Variants in DNER observed in about 807,000 individuals in gnomAD.
DNER encodes the protein delta/notch like EGF repeat containing, also known as delta and Notch-like epidermal growth factor-related receptor.
A neutral mutation model predicts 78.2 loss-of-function variants in DNER; 33 were observed. The ratio of observed to expected loss-of-function variants is 0.42; its 90% CI spans 0.32 to 0.56. DNER has a LOEUF of 0.56. Ranked by LOEUF, DNER falls within the 20% of genes least tolerant of loss-of-function variation. The probability of loss-of-function intolerance (pLI) is 0.11; values close to 1 mark genes in which losing one functional copy is unlikely to be tolerated. For missense variants in DNER, 918 were observed against 975.3 expected, an observed-to-expected ratio of 0.94 and a Z score of 0.78; for synonymous variants, 417 against 384.8, an observed-to-expected ratio of 1.08 and a Z score of -0.98.
intron 6 of DNER, 39 bp from the exon 7 acceptor site, chr2:229,477,292 T>C (rs774574999): frequency 2.7e-6 from 4 of 1,507,992 alleles, no homozygotes; most frequent in Non-Finnish European, 2.7e-6. Flanking sequence ...AAATAAGCTC[T>C]TCCAGACCCA....
intron 1 of DNER, among the ~76,000 whole-genome samples, chr2:229,659,490 AC>A (rs748632907): frequency 6.6e-6 from 1 of 152,072 alleles, no homozygotes; most frequent in Non-Finnish European, 1.5e-5. Context: ...TAGGACCTGG[AC>A]CCGGGCAGAC....
chr2:229,550,455 G>A (rs188152449), intron 4 of DNER, among the ~76,000 whole-genome samples: 1 of 152,222 alleles, frequency 6.6e-6, no homozygotes, highest in Non-Finnish European at 1.5e-5. Context: ...ACCTTCTCTA[G>A]ACGTTTCCTC....
intron 1 of DNER, among the ~76,000 whole-genome samples, chr2:229,674,353 A>G (rs1699265039): frequency 6.6e-6 from 1 of 152,106 alleles, no homozygotes; most frequent in Non-Finnish European, 1.5e-5. Flanking sequence ...ATCTCGGCTT[A>G]CTGCAACCTC....
At chr2:229,568,950 T>C (rs1697163413) in intron 4 of DNER, among the ~76,000 whole-genome samples, 1 of 152,224 alleles carries the variant, frequency 6.6e-6, no homozygotes, top group African/African-American at 2.4e-5. Context: ...TCTGTGCATC[T>C]CTGTATATGT....
chr2:229,651,711 G>A (rs1293545246), intron 1 of DNER, among the ~76,000 whole-genome samples: 1 of 152,182 alleles, frequency 6.6e-6, no homozygotes, highest in Non-Finnish European at 1.5e-5. Context: ...CCCAAACAAT[G>A]AATTTAGCCA....
intron 11 of DNER, among the ~76,000 whole-genome samples, chr2:229,381,251 T>C (rs1231947949): frequency 6.6e-6 from 1 of 152,188 alleles, no homozygotes; most frequent in African/African-American, 2.4e-5. Flanking sequence ...CTAGATACTA[T>C]ACTTTTCCCA....
At chr2:229,682,771 C>A (rs1289208320) in intron 1 of DNER, among the ~76,000 whole-genome samples, 5 of 152,006 alleles carry the variant, frequency 3.3e-5, no homozygotes, top group Admixed American at 1.3e-4. Context: ...TCACTTGAAC[C>A]CAGGAGGCAG....
intron 7 of DNER, among the ~76,000 whole-genome samples, chr2:229,472,406 T>A (rs1224766276): frequency 6.6e-6 from 1 of 152,210 alleles, no homozygotes; most frequent in Non-Finnish European, 1.5e-5. Context: ...TCATCACTAC[T>A]GATTTCTTTT....
chr2:229,642,197 G>A lies in DNER; in HGVS notation c.277-50309C>T, dbSNP rs7605747. Among the ~76,000 whole-genome samples the A allele has an allele frequency of 7.7e-3, 1,174 of 152,116 alleles. 7 individuals carry two copies. The highest frequency in any genetic ancestry group is 0.013 in the Non-Finnish European group (874 of 67,996). On this transcript the variant is annotated intron_variant, in intron 1 of 12. Coordinates refer to ENST00000341772, the MANE Select transcript of DNER (RefSeq NM_139072.4). ...TGGGAATAAGGTTTCATTCAAAGGG[G>A]GAAAGTACCTAAGACATTTTACTGT...
At chr2:229,383,654 A>C (rs1027203346) in intron 11 of DNER, among the ~76,000 whole-genome samples, 5 of 152,204 alleles carry the variant, frequency 3.3e-5, no homozygotes, top group African/African-American at 4.8e-5. Flanking sequence ...AGATCAAAAG[A>C]GACAAAAAAG....
At chr2:229,639,294 A>G (rs1986253) in intron 1 of DNER, among the ~76,000 whole-genome samples, 148,014 of 152,288 alleles carry the variant, frequency 0.97, 71,985 homozygotes, top group Middle Eastern at 0.99. Context: ...TCACTCTGTC[A>G]CCCAGGTTGG....
intron 7 of DNER, among the ~76,000 whole-genome samples, chr2:229,453,920 T>TAAAAAAAAAAAAAAAAAAAAA (rs10602558): frequency 1.9e-5 from 2 of 106,872 alleles, no homozygotes; most frequent in African/African-American, 3.3e-5. Flanking sequence ...TAAAATATAT[T>TAAAAAAAAAAAAAAAAAAAAA]AAAAAAAAAA....
At chr2:229,528,324 C>A (rs927901059) in intron 5 of DNER, among the ~76,000 whole-genome samples, 1 of 152,168 alleles carries the variant, frequency 6.6e-6, no homozygotes, top group Non-Finnish European at 1.5e-5. Flanking sequence ...TTGTGGTTTG[C>A]GCATCACATG....
chr2:229,496,669 A>G, intron 6 of DNER, among the ~76,000 whole-genome samples: 1 of 152,232 alleles, frequency 6.6e-6, no homozygotes, highest in East Asian at 1.9e-4. Flanking sequence ...TAAATAAAAT[A>G]AAATAGAATT....
chr2:229,367,182 T>C (rs1019649993), intron 11 of DNER, 63 bp from the exon 12 acceptor site: 3 of 1,596,310 alleles, frequency 1.9e-6, no homozygotes, highest in Non-Finnish European at 2.6e-6. Context: ...GAGAAGGCCT[T>C]TTTCATCTTT....
intron 8 of DNER, among the ~76,000 whole-genome samples, chr2:229,420,949 G>A (rs1426659542): frequency 2.0e-5 from 3 of 152,172 alleles, no homozygotes; most frequent in Admixed American, 2.0e-4. Context: ...ACAGGATCTG[G>A]AGAAGGTAAT....
chr2:229,453,620 T>C (rs181045150), intron 7 of DNER, among the ~76,000 whole-genome samples: 5 of 152,306 alleles, frequency 3.3e-5, no homozygotes, highest in Admixed American at 1.3e-4. Flanking sequence ...ACCAAGAGCA[T>C]GTCTCATTGA....
At chr2:229,415,277 A>G (rs951983013) in intron 9 of DNER, among the ~76,000 whole-genome samples, 2 of 152,184 alleles carry the variant, frequency 1.3e-5, no homozygotes, top group Non-Finnish European at 2.9e-5. Flanking sequence ...CCACGAGGAT[A>G]TAAGTTCTGC....
At chr2:229,624,496 T>TAAAA (rs5839343) in intron 1 of DNER, among the ~76,000 whole-genome samples, 76 of 151,166 alleles carry the variant, frequency 5.0e-4, no homozygotes, top group Middle Eastern at 3.4e-3. Context: ...TATAATAAAC[T>TAAAA]AAAAAAAAAA....
Sources: allele counts gnomAD v4.1 joint callset (sites outside exome capture counted in the v4.1 genomes callset), GRCh38; gene constraint gnomAD v4.1.1; transcripts MANE v1.5; gene names NCBI Gene and HGNC (gene_info 2026-07-23, HGNC 2026-07-21).